RUNX1: variants seen among roughly 807,000 people sequenced by gnomAD.
RUNX1 encodes RUNX family transcription factor 1.
A neutral mutation model predicts 42.8 loss-of-function variants in RUNX1; 19 were observed. The ratio of observed to expected loss-of-function variants is 0.44; its 90% CI spans 0.31 to 0.65. The LOEUF is 0.65. Among genes scored for constraint, RUNX1 ranks in the 30% least tolerant of loss-of-function variants. RUNX1 has a pLI of 0.07. For synonymous variants in RUNX1, 271 were observed against 289.4 expected (o/e 0.94, Z 0.64); for missense variants, 528 against 672.0 (o/e 0.79, Z 2.37).
chr21:34,928,984 T>G (rs745928058), intron 2 of RUNX1, among the ~76,000 whole-genome samples: 1 of 151,876 alleles, frequency 6.6e-6, no homozygotes, highest in Non-Finnish European at 1.5e-5. Flanking sequence ...AGATTTCACT[T>G]TGTGTACAAA....
chr21:34,937,808 G>A (rs962109061), intron 2 of RUNX1, among the ~76,000 whole-genome samples: 4 of 152,022 alleles, frequency 2.6e-5, no homozygotes, highest in African/African-American at 7.2e-5. Context: ...CTGCCTTTCC[G>A]GAGATTTTCA....
chr21:34,860,651 A>C (rs936917150), intron 5 of RUNX1, among the ~76,000 whole-genome samples: 2 of 152,220 alleles, frequency 1.3e-5, no homozygotes, highest in Non-Finnish European at 2.9e-5. Context: ...ACATCAATAC[A>C]GTAGTTCTTT....
chr21:34,974,832 T>C (rs1326308261), intron 2 of RUNX1, among the ~76,000 whole-genome samples: 1 of 152,238 alleles, frequency 6.6e-6, no homozygotes, highest in East Asian at 1.9e-4. Flanking sequence ...GAGTCAGCCA[T>C]TGAGACTTTT....
At chr21:35,016,587 A>C (rs185538826) in intron 2 of RUNX1, among the ~76,000 whole-genome samples, 1 of 152,188 alleles carries the variant, frequency 6.6e-6, no homozygotes, top group East Asian at 1.9e-4. Flanking sequence ...GGTACAGTTC[A>C]ATTCCCTCAT....
intron 7 of RUNX1, among the ~76,000 whole-genome samples, chr21:34,809,156 G>A (rs1440320709): frequency 6.6e-6 from 1 of 151,962 alleles, no homozygotes; most frequent in African/African-American, 2.4e-5. Context: ...AGACAGGTTG[G>A]GTACATTCCT....
chr21:34,953,860 T>A (rs972168897), intron 2 of RUNX1, among the ~76,000 whole-genome samples: 4 of 152,118 alleles, frequency 2.6e-5, no homozygotes, highest in African/African-American at 7.2e-5. Flanking sequence ...GAAGAAGGTA[T>A]CAAGAAAAGC....
intron 2 of RUNX1, among the ~76,000 whole-genome samples, chr21:35,027,131 G>A (rs965996326): frequency 4.6e-5 from 7 of 152,196 alleles, no homozygotes; most frequent in Non-Finnish European, 8.8e-5. Context: ...GAAGGGCAGG[G>A]TGGAGGGGCA....
intron 5 of RUNX1, among the ~76,000 whole-genome samples, chr21:34,875,955 AT>A (rs1433066396): frequency 1.3e-5 from 2 of 152,246 alleles, no homozygotes; most frequent in East Asian, 3.8e-4. Flanking sequence ...CAGGATAAAT[AT>A]TATGTCTGGG....
chr21:34,874,892 T>G (rs1448356623), intron 5 of RUNX1, among the ~76,000 whole-genome samples: 2 of 152,224 alleles, frequency 1.3e-5, no homozygotes, highest in Non-Finnish European at 2.9e-5. Flanking sequence ...ACTCAACCAT[T>G]ATTTCTCTTG....
intron 8 of RUNX1, among the ~76,000 whole-genome samples, chr21:34,793,207 G>A (rs1232216692): frequency 2.0e-5 from 3 of 152,092 alleles, no homozygotes; most frequent in Admixed American, 6.5e-5. Context: ...CACCCAGGAT[G>A]CTATGCCCAG....
chr21:34,896,322 G>C (rs922436752), intron 2 of RUNX1, among the ~76,000 whole-genome samples: 3 of 152,144 alleles, frequency 2.0e-5, no homozygotes, highest in Non-Finnish European at 4.4e-5. Context: ...TCCAGGGTGA[G>C]CAGAAGAGGG....
At position 34,886,885 on chromosome 21, in the gene RUNX1, A is replaced by G. The variant is rs2146408838; in HGVS notation, c.309T>C (p.Pro103=). The G allele has an allele frequency of 3.1e-6, 5 of 1,613,618 alleles. No individual in the cohort carries two copies. Among genetic ancestry groups the G allele is most frequent in the Non-Finnish European group, 4.2e-6 (5 of 1,179,750 alleles). The change falls in exon 4 of 9, where the codon CCT becomes CCC. Residue 103 remains proline (P), a synonymous_variant. Coordinates refer to ENST00000675419, the MANE Select transcript of RUNX1 (RefSeq NM_001754.5). ...GGGTCTTGTTGCAGCGCCAGTGCGT[A>G]GGCAGCACGGAGCAGAGGAAGTTGG... is the stretch of plus-strand genomic sequence containing the variant. ...DSPNFLCSVL[P]THWRCNKTLP...
intron 2 of RUNX1, among the ~76,000 whole-genome samples, chr21:34,970,821 G>A (rs760203484): frequency 2.2e-4 from 34 of 152,194 alleles, no homozygotes; most frequent in Non-Finnish European, 4.4e-4. Flanking sequence ...TCTGGGTGAA[G>A]AGTATACAGC....
At chr21:35,022,102 C>T (rs2059202340) in intron 2 of RUNX1, among the ~76,000 whole-genome samples, 1 of 152,250 alleles carries the variant, frequency 6.6e-6, no homozygotes, top group African/African-American at 2.4e-5. Context: ...TTGTCCCCTC[C>T]AGACTGAACA....
At chr21:35,024,464 C>T (rs1341423503) in intron 2 of RUNX1, among the ~76,000 whole-genome samples, 1 of 152,226 alleles carries the variant, frequency 6.6e-6, no homozygotes, top group African/African-American at 2.4e-5. Flanking sequence ...CCTAATACAA[C>T]ACAATGTCTT....
chr21:34,958,103 G>C (rs565913229), intron 2 of RUNX1, among the ~76,000 whole-genome samples: 2 of 152,164 alleles, frequency 1.3e-5, no homozygotes, highest in Non-Finnish European at 2.9e-5. Flanking sequence ...TACCTCCTGT[G>C]AGATAAAGGG....
chr21:34,995,765 A>G (rs1303291942), intron 2 of RUNX1, among the ~76,000 whole-genome samples: 1 of 152,080 alleles, frequency 6.6e-6, no homozygotes, highest in Non-Finnish European at 1.5e-5. Context: ...TGAGATTTAA[A>G]TCTTTAGATA....
intron 3 of RUNX1, among the ~76,000 whole-genome samples, chr21:34,890,236 C>T (rs1213681286): frequency 6.6e-6 from 1 of 151,920 alleles, no homozygotes; most frequent in Non-Finnish European, 1.5e-5. Flanking sequence ...TCCCTGGACG[C>T]CGCGCGCAGT....
rs1375588861 is a variant in RUNX1, at chr21:34,875,288, GA to G, written c.508+5268del. On this transcript the variant is annotated intron_variant, in intron 5 of 8. Coordinates refer to ENST00000675419, the MANE Select transcript of RUNX1 (RefSeq NM_001754.5). ...TCCTTTTATTGGCAAATGTGAAACCGAAATGAGAAACTTGGTCTCTAGAGAT... is the reference window on the plus strand; with the variant it reads ...TCCTTTTATTGGCAAATGTGAAACCGAATGAGAAACTTGGTCTCTAGAGAT... Among the ~76,000 whole-genome samples the G allele has an allele frequency of 3.3e-5, 5 of 152,190 alleles. No individual in the cohort carries two copies. The East Asian group carries it at 9.6e-4, about 29-fold the overall frequency.
Sources: gnomAD v4.1 joint callset for allele counts (sites outside exome capture counted in the v4.1 genomes callset) on GRCh38, gnomAD v4.1.1 for gene constraint, MANE v1.5 for transcripts, NCBI Gene and HGNC (gene_info 2026-07-23, HGNC 2026-07-21) for gene names.